Variants in RNLS observed in about 807,000 individuals in gnomAD.
The protein encoded by RNLS is renalase, FAD dependent amine oxidase.
A neutral mutation model predicts 39.8 loss-of-function variants in RNLS; 39 were observed. That is an observed-to-expected ratio of 0.98 (90% CI 0.76 to 1.28). The LOEUF (loss-of-function observed/expected upper bound fraction) is 1.28. Among genes scored for constraint, RNLS ranks in the 50% most tolerant of loss-of-function variants. RNLS has a pLI of 0.00. For missense variants in RNLS, 410 were observed against 413.3 expected, an observed-to-expected ratio of 0.99 and a Z score of 0.07; for synonymous variants, 147 against 150.7, an observed-to-expected ratio of 0.98 and a Z score of 0.18.
chr10:88,407,588 C>G (rs565368401), intron 4 of RNLS, among the ~76,000 whole-genome samples: 1 of 151,990 alleles, frequency 6.6e-6, no homozygotes, highest in African/African-American at 2.4e-5. Flanking sequence ...AAGGACAACT[C>G]TAACTCCTTC....
intron 4 of RNLS, among the ~76,000 whole-genome samples, chr10:88,539,659 A>T (rs1847944841): frequency 6.6e-6 from 1 of 152,134 alleles, no homozygotes; most frequent in South Asian, 2.1e-4. Flanking sequence ...CTGTGTTATG[A>T]ATCAATCTCT....
At chr10:88,463,454 T>C (rs547938968) in intron 4 of RNLS, among the ~76,000 whole-genome samples, 14 of 152,146 alleles carry the variant, frequency 9.2e-5, no homozygotes, top group African/African-American at 3.4e-4. Context: ...ACTTCTAGCC[T>C]GCAGAGCTGT....
At chr10:88,556,317 C>T (rs148169491) in intron 4 of RNLS, among the ~76,000 whole-genome samples, 4 of 152,244 alleles carry the variant, frequency 2.6e-5, no homozygotes, top group Admixed American at 1.3e-4. Flanking sequence ...GATCCTTGTA[C>T]ATCTGGATTG....
At chr10:88,469,001 TTAATG>T (rs1156973198) in intron 4 of RNLS, among the ~76,000 whole-genome samples, 25 of 152,220 alleles carry the variant, frequency 1.6e-4, no homozygotes, top group South Asian at 6.2e-4. Context: ...TGAAGAATAT[TTAATG>T]TCAGGGAAAA....
chr10:88,471,691 T>C (rs1451263702), intron 4 of RNLS, among the ~76,000 whole-genome samples: 1 of 152,070 alleles, frequency 6.6e-6, no homozygotes, highest in Non-Finnish European at 1.5e-5. Flanking sequence ...AGATTAAAAT[T>C]AGCAAAGGAA....
chr10:88,250,025 C>G, the RNLS span, among the ~76,000 whole-genome samples: 2 of 152,308 alleles, frequency 1.3e-5, no homozygotes, highest in African/African-American at 2.4e-5. Context: ...TCCAGTTGAA[C>G]CCTAAACATT....
the RNLS span, among the ~76,000 whole-genome samples, chr10:88,253,434 G>A: frequency 6.6e-6 from 1 of 152,178 alleles, no homozygotes; most frequent in Non-Finnish European, 1.5e-5. Flanking sequence ...GCATCCAGGG[G>A]TGGCAACTGG....
At chr10:88,565,296 T>C (rs1206890956) in intron 4 of RNLS, among the ~76,000 whole-genome samples, 1 of 152,060 alleles carries the variant, frequency 6.6e-6, no homozygotes, top group African/African-American at 2.4e-5. Flanking sequence ...TATATGGCTT[T>C]GTAAGTGGAT....
At chr10:88,424,861 T>C (rs1854636925) in intron 4 of RNLS, among the ~76,000 whole-genome samples, 1 of 152,102 alleles carries the variant, frequency 6.6e-6, no homozygotes, top group Admixed American at 6.6e-5. Flanking sequence ...TGGCACAAGA[T>C]CTTTGTGCTG....
In RNLS at chr10:88,410,904, G is replaced by A. The variant is rs117263383; in HGVS notation, c.527-48179C>T. Among the ~76,000 whole-genome samples the A allele has an allele frequency of 5.9e-3, 904 of 152,282 alleles. 3 individuals are homozygous for A. The highest frequency in any genetic ancestry group is 9.6e-3 in the Non-Finnish European group (655 of 68,020). ...TACAACATCACTAGCTCTTTCTTGT[G>A]TATTGAGGTACTTCAAGGGAATCTT... On this transcript the variant is annotated intron_variant, in intron 4 of 6. Coordinates refer to ENST00000331772, the MANE Select transcript of RNLS (RefSeq NM_001031709.3).
chr10:88,476,222 T>C (rs1843816965), intron 4 of RNLS, among the ~76,000 whole-genome samples: 1 of 152,202 alleles, frequency 6.6e-6, no homozygotes, highest in Non-Finnish European at 1.5e-5. Flanking sequence ...ATTTACATTT[T>C]GTTTTTGTTT....
In RNLS at chr10:88,583,115, CG is replaced by C. The variant is rs1237970296; in HGVS notation, c.75del (p.Gly26ValfsTer18). Reference protein sequence around the residue: ...LCAALLRRQTSGPLYLAVWDK... With the variant: ...LCAALLRRQTXGPLYLAVWDK... ...TCCCACACAGCAAGGTACAAGGGAC[CG>C]GACGTCTGCCTCCTCAGCAGCGCAG... On this transcript the variant is annotated frameshift_variant, in exon 1 of 7. Transcript: ENST00000331772. LOFTEE classifies it high-confidence loss of function. 4 of 1,614,118 alleles carry C rather than the reference CG, an allele frequency of 2.5e-6. No individual in the cohort carries two copies. The East Asian group carries it at 8.9e-5, about 36-fold the overall frequency.
intron 5 of RNLS, among the ~76,000 whole-genome samples, chr10:88,355,073 T>G (rs1319268548): frequency 6.6e-6 from 1 of 152,234 alleles, no homozygotes; most frequent in African/African-American, 2.4e-5. Context: ...ATCAGGTCCT[T>G]TAAGGACTTC....
In RNLS at chr10:88,572,966, C is replaced by T. The variant is rs766565422; in HGVS notation, c.463G>A (p.Asp155Asn). 1.7e-5 allele frequency: 28 copies of T among 1,613,872 alleles called. No individual in the cohort carries two copies. In the Middle Eastern group the frequency reaches 4.9e-4, roughly 28 times the overall value. The change falls in exon 4 of 7, where the codon GAT becomes AAT. Residue 155 changes from aspartate to asparagine, a missense_variant. Transcript: ENST00000331772. The part of the protein sequence containing the change: ...SKQTGSPEQF[D>N]LIVLTMPVPE... Reference sequence around the variant, plus strand: ...ACTGGCATTGTGAGAACAATAAGATCAAACTGCTCAGGGGAGCCTGTTTGT... The same window carrying T: ...ACTGGCATTGTGAGAACAATAAGATTAAACTGCTCAGGGGAGCCTGTTTGT...
chr10:88,458,929 G>A (rs780344520), intron 4 of RNLS, among the ~76,000 whole-genome samples: 30 of 152,036 alleles, frequency 2.0e-4, no homozygotes, highest in Non-Finnish European at 4.0e-4. Context: ...TTTTTCAAGT[G>A]GAAAAGGAAG....
At chr10:88,429,854 A>C (rs1402023721) in intron 4 of RNLS, among the ~76,000 whole-genome samples, 1 of 151,830 alleles carries the variant, frequency 6.6e-6, no homozygotes, top group Non-Finnish European at 1.5e-5. Context: ...GTCTATATAC[A>C]AGTGAAATGA....
intron 4 of RNLS, among the ~76,000 whole-genome samples, chr10:88,439,330 GCC>G (rs1237167330): frequency 1.3e-5 from 2 of 152,102 alleles, no homozygotes; most frequent in Non-Finnish European, 1.5e-5. Flanking sequence ...GGCATTATAA[GCC>G]CCAACACTTC....
the RNLS span, among the ~76,000 whole-genome samples, chr10:88,176,214 C>G: frequency 4.6e-5 from 7 of 150,946 alleles, no homozygotes; most frequent in East Asian, 1.4e-3. Flanking sequence ...CTTGCTCTGT[C>G]GCCAGGTTGG....
At chr10:88,510,568 G>A (rs975874202) in intron 4 of RNLS, among the ~76,000 whole-genome samples, 1 of 152,046 alleles carries the variant, frequency 6.6e-6, no homozygotes, top group African/African-American at 2.4e-5. Context: ...TAACAGATAA[G>A]TAATAGTTAA....
Sources: gnomAD v4.1 joint callset for allele counts (sites outside exome capture counted in the v4.1 genomes callset) on GRCh38, gnomAD v4.1.1 for gene constraint, MANE v1.5 for transcripts, NCBI Gene and HGNC (gene_info 2026-07-23, HGNC 2026-07-21) for gene names.